The following KRABD3 variants were observed in gnomAD, a reference collection of about 807,000 sequenced individuals.
KRABD3 encodes the protein KRAB domain containing 3, also known as KRAB domain-containing protein 3.
At chr7:149,724,119 A>G in the KRABD3 span, among the ~76,000 whole-genome samples, 103,662 of 152,078 alleles carry the variant, frequency 0.68, 36,296 homozygotes, top group African/African-American at 0.85. Flanking sequence ...GGAGCTGGAC[A>G]TTCTGAAAGG....
chr7:149,730,169 G>A, the KRABD3 span: 15 of 1,557,360 alleles, frequency 9.6e-6, no homozygotes, highest in East Asian at 4.7e-5. Context: ...AGCCCTCCCC[G>A]CTGCACTGCC....
chr7:149,723,734 T>C, the KRABD3 span: 3 of 1,606,828 alleles, frequency 1.9e-6, no homozygotes, highest in African/African-American at 1.3e-5. Context: ...TTTTCCTTAG[T>C]GAAGACCGAG....
chr7:149,721,482 C>A, the KRABD3 span: 1 of 1,613,030 alleles, frequency 6.2e-7, no homozygotes, highest in Non-Finnish European at 8.5e-7. Flanking sequence ...ACCGACAGCT[C>A]GTGTTCCAGT....
At chr7:149,732,401 C>A in the KRABD3 span, among the ~76,000 whole-genome samples, 1 of 152,176 alleles carries the variant, frequency 6.6e-6, no homozygotes, top group Non-Finnish European at 1.5e-5. The surrounding 1 kb of genome is among the most constrained non-coding windows in gnomAD (Gnocchi z 4.0). Flanking sequence ...CCAGTCTTCA[C>A]TTTTTCCTCG....
chr7:149,719,583 CGGA>C, the KRABD3 span: 3 of 1,606,704 alleles, frequency 1.9e-6, no homozygotes, highest in African/African-American at 2.7e-5. The surrounding 1 kb of genome is among the most constrained non-coding windows in gnomAD (Gnocchi z 5.6). Flanking sequence ...GTGCGGTTCT[CGGA>C]GGAGGAGTGG....
At chr7:149,734,347 A>G in the KRABD3 span, 1 of 395,864 alleles carries the variant, frequency 2.5e-6, no homozygotes, top group Non-Finnish European at 4.6e-6. Context: ...TGGTGTGCAT[A>G]GGCCACGTGT....
chr7:149,717,731 T>C, the KRABD3 span, among the ~76,000 whole-genome samples: 1 of 152,128 alleles, frequency 6.6e-6, no homozygotes, highest in Non-Finnish European at 1.5e-5. Flanking sequence ...CACTGGTAAG[T>C]GTGACTGCAT....
chr7:149,719,292 T>TAGG, the KRABD3 span: 1 of 377,448 alleles, frequency 2.6e-6, no homozygotes, highest in East Asian at 4.9e-5. This position sits in a 1 kb window ranked among gnomAD's most constrained non-coding sequence, Gnocchi z 5.6. Context: ...TCATCTTAAG[T>TAGG]AATTCCATCT....
chr7:149,728,111 C>T, the KRABD3 span, among the ~76,000 whole-genome samples: 2 of 152,264 alleles, frequency 1.3e-5, no homozygotes, highest in East Asian at 3.8e-4. Flanking sequence ...CATGTTGGCC[C>T]GCCATGGCCC....
the KRABD3 span, chr7:149,733,926 C>T: frequency 3.8e-6 from 6 of 1,595,164 alleles, no homozygotes; most frequent in Non-Finnish European, 5.1e-6. Context: ...TCAGGAGTGG[C>T]ACCAGACGGG....
At chr7:149,724,648 G>T in the KRABD3 span, 10 of 1,513,674 alleles carry the variant, frequency 6.6e-6, no homozygotes, top group Non-Finnish European at 8.0e-6. Flanking sequence ...GCCTCCTCCC[G>T]CAGGGCCTGG....
the KRABD3 span, chr7:149,730,624 C>G: frequency 1.3e-6 from 2 of 1,578,448 alleles, no homozygotes; most frequent in Non-Finnish European, 1.7e-6. Flanking sequence ...GACCAGGAGT[C>G]CAGACTGGAT....
the KRABD3 span, chr7:149,722,550 G>A: frequency 9.9e-6 from 16 of 1,608,788 alleles, no homozygotes; most frequent in Non-Finnish European, 1.4e-5. Context: ...GACCTCAGAG[G>A]CCGGTGAGAG....
At chr7:149,723,325 C>A in the KRABD3 span, among the ~76,000 whole-genome samples, 1 of 152,200 alleles carries the variant, frequency 6.6e-6, no homozygotes, top group Non-Finnish European at 1.5e-5. Context: ...GGAGTCAGAC[C>A]CGGAGAGGCT....
At chr7:149,734,355 T>TG in the KRABD3 span, 1 of 361,934 alleles carries the variant, frequency 2.8e-6, no homozygotes, top group Non-Finnish European at 5.0e-6. Context: ...ATAGGCCACG[T>TG]GTGCCCCACA....
At chr7:149,718,386 C>T in the KRABD3 span, among the ~76,000 whole-genome samples, 1 of 152,080 alleles carries the variant, frequency 6.6e-6, no homozygotes, top group South Asian at 2.1e-4. Flanking sequence ...CAGGAAGGAC[C>T]CTTCCCATAA....
At chr7:149,719,557 CT>C in the KRABD3 span, 1 of 1,588,902 alleles carries the variant, frequency 6.3e-7, no homozygotes, top group Non-Finnish European at 8.5e-7. This position sits in a 1 kb window ranked among gnomAD's most constrained non-coding sequence, Gnocchi z 5.6. Flanking sequence ...TGTCCATCAC[CT>C]TCAAGGACTT....
the KRABD3 span, chr7:149,723,063 C>T: frequency 3.7e-5 from 36 of 975,828 alleles, no homozygotes; most frequent in Non-Finnish European, 4.5e-5. Flanking sequence ...CCAGCTTGGT[C>T]GCTGCTGTGT....
the KRABD3 span, chr7:149,719,922 C>A: frequency 7.0e-7 from 1 of 1,426,630 alleles, no homozygotes; most frequent in South Asian, 1.4e-5. This position sits in a 1 kb window ranked among gnomAD's most constrained non-coding sequence, Gnocchi z 5.6. Context: ...TGTGCACAGA[C>A]CTGCAGGGGC....
Sources: allele counts gnomAD v4.1 joint callset (sites outside exome capture counted in the v4.1 genomes callset), GRCh38; gene constraint gnomAD v4.1.1; non-coding constraint Gnocchi (gnomAD v3.1); transcripts MANE v1.5; gene names NCBI Gene and HGNC (gene_info 2026-07-23, HGNC 2026-07-21).